RCOR1: variants seen among roughly 807,000 people sequenced by gnomAD.
RCOR1 encodes the protein REST corepressor 1, also known as REST corepressor.
RCOR1 carries 12 observed loss-of-function variants against 64.0 expected under a neutral mutation model. The observed-to-expected ratio is 0.19, with a 90% CI of 0.12 to 0.30. The LOEUF is 0.30. Ranked by LOEUF, RCOR1 falls within the 10% of genes least tolerant of loss-of-function variation. The pLI is 1.00. For missense variants in RCOR1, 502 were observed against 621.2 expected (o/e 0.81, Z 2.04); for synonymous variants, 279 against 227.2 (o/e 1.23, Z -2.05).
chr14:102,613,277 T>A (rs1229316791), intron 2 of RCOR1, among the ~76,000 whole-genome samples: 1 of 149,542 alleles, frequency 6.7e-6, no homozygotes, highest in Non-Finnish European at 1.5e-5. Context: ...AAGTTTTGTA[T>A]TTTTGGTAGA....
chr14:102,594,300 G>A (rs58507724), intron 2 of RCOR1, among the ~76,000 whole-genome samples: 1,898 of 152,310 alleles, frequency 0.012, 41 homozygotes, highest in African/African-American at 0.043. Context: ...ATCCTCCATG[G>A]TTGGAGGGCT....
chr14:102,592,756 G>A lies in RCOR1; in HGVS notation c.-131G>A. 1 of 1,215,114 alleles carries A rather than the reference G, an allele frequency of 8.2e-7. No homozygotes were observed. Among genetic ancestry groups the A allele is most frequent in the South Asian group, 4.1e-5 (1 of 24,188 alleles). The allele number at this position is 1,215,114 out of a possible 1,614,324, so 75.3% of individuals were successfully genotyped here. A position where few individuals can be genotyped will look rare whatever the true frequency, so the allele number is the denominator to read the frequency against. On this transcript the variant is annotated 5_prime_UTR_variant, in exon 1 of 12. Transcript: ENST00000262241. ...GCCCGTTTGGGCCTCCCCCGACTCG[G>A]ACTCGCGCCCGTGGGCTCCCGCCGC...
chr14:102,707,592 C>T, intron 5 of RCOR1, 80 bp downstream of exon 5: 1 of 1,119,504 alleles, frequency 8.9e-7, no homozygotes, highest in Admixed American at 2.4e-5. Context: ...ATAGGGATAT[C>T]ATACTCAAAC....
At chr14:102,704,849 G>T (rs1895818663) in intron 4 of RCOR1, among the ~76,000 whole-genome samples, 1 of 152,192 alleles carries the variant, frequency 6.6e-6, no homozygotes, top group South Asian at 2.1e-4. Flanking sequence ...AATCAGCCAG[G>T]CATGGTGGTG....
At chr14:102,673,411 A>G (rs889134356) in intron 2 of RCOR1, among the ~76,000 whole-genome samples, 4 of 146,360 alleles carry the variant, frequency 2.7e-5, no homozygotes, top group Non-Finnish European at 5.9e-5. Flanking sequence ...ATCTCGGCTC[A>G]CTGCAAGCTC....
intron 2 of RCOR1, chr14:102,649,748 A>G (rs775960001): frequency 6.1e-6 from 6 of 981,694 alleles, no homozygotes; most frequent in Non-Finnish European, 7.3e-6. Context: ...CTTCCTGTAG[A>G]GCCATTTAGT....
intron 2 of RCOR1, among the ~76,000 whole-genome samples, chr14:102,628,368 T>C (rs1483512345): frequency 6.6e-6 from 1 of 152,190 alleles, no homozygotes; most frequent in Non-Finnish European, 1.5e-5. Flanking sequence ...ACAGAACCTT[T>C]TCTTCACTTG....
intron 2 of RCOR1, among the ~76,000 whole-genome samples, chr14:102,647,708 T>TC (rs562492354): frequency 8.8e-4 from 134 of 152,242 alleles, no homozygotes; most frequent in African/African-American, 3.2e-3. Context: ...AGACGGAGTC[T>TC]CCATCTGTCG....
At chr14:102,658,226 C>T (rs1443556275) in intron 2 of RCOR1, among the ~76,000 whole-genome samples, 3 of 152,136 alleles carry the variant, frequency 2.0e-5, no homozygotes, top group East Asian at 1.9e-4. Context: ...CTACCCACCT[C>T]GGCTTCCCAA....
At chr14:102,607,651 A>C (rs925890234) in intron 2 of RCOR1, among the ~76,000 whole-genome samples, 1 of 152,102 alleles carries the variant, frequency 6.6e-6, no homozygotes, top group African/African-American at 2.4e-5. Context: ...TGAGAGGCTG[A>C]GGTGGGCAGA....
At chr14:102,716,213 C>G (rs58955055) in intron 8 of RCOR1, among the ~76,000 whole-genome samples, 2,464 of 152,218 alleles carry the variant, frequency 0.016, 58 homozygotes, top group African/African-American at 0.057. Flanking sequence ...CATGTCTACT[C>G]AAGTCTCATC....
chr14:102,593,862 C>G (rs1893188058), intron 2 of RCOR1, among the ~76,000 whole-genome samples: 3 of 152,158 alleles, frequency 2.0e-5, no homozygotes, highest in Non-Finnish European at 4.4e-5. Flanking sequence ...CAAAACCAGT[C>G]AATAAAAGAA....
intron 2 of RCOR1, among the ~76,000 whole-genome samples, chr14:102,615,985 G>C (rs763696948): frequency 1.2e-4 from 19 of 152,098 alleles, no homozygotes; most frequent in African/African-American, 4.6e-4. Context: ...TACACTACCC[G>C]CTTAGAGATG....
Position 102,632,654 on chromosome 14 carries a change from CTTTCCTTTCCTTTCCTTTCCTTTCCT to C in RCOR1, c.361+39338_361+39363del, listed in dbSNP as rs1213993252. Among the ~76,000 whole-genome samples the C allele has an allele frequency of 1.4e-3, 93 of 65,626 alleles. 1 individual carries two copies. The highest frequency in any genetic ancestry group is 8.1e-3 in the South Asian group (11 of 1,366). 43.1% of individuals were successfully genotyped at this position (65,626 alleles called of 152,430 possible). A position where few individuals can be genotyped will look rare whatever the true frequency, so the allele number is the denominator to read the frequency against. ...CTTTCCTTTCCTTTCCTTTCCTTTCCTTTCCTTTCCTTTCCTTTCCTTTCCTTTTCCTTTTCCTTTTCCTTTCCTTT... is the reference window on the plus strand; with the variant it reads ...CTTTCCTTTCCTTTCCTTTCCTTTCCTTTCCTTTTCCTTTTCCTTTCCTTT... On this transcript the variant is annotated intron_variant, in intron 2 of 11. Coordinates refer to ENST00000262241, the MANE Select transcript of RCOR1 (RefSeq NM_015156.4).
At chr14:102,632,288 C>T (rs1212144112) in intron 2 of RCOR1, among the ~76,000 whole-genome samples, 1 of 149,562 alleles carries the variant, frequency 6.7e-6, no homozygotes, top group Non-Finnish European at 1.5e-5. Flanking sequence ...ATGATCTCGG[C>T]TCACTGCAAG....
At position 102,726,804 on chromosome 14, in the gene RCOR1, G is replaced by A. The variant is rs1040735036; in HGVS notation, c.*298G>A. 16 of 384,410 alleles carry A rather than the reference G, an allele frequency of 4.2e-5. 1 individual carries two copies. The highest frequency in any genetic ancestry group is 6.7e-4 in the Middle Eastern group (1 of 1,488). The allele number at this position is 384,410 out of a possible 1,614,324, so 23.8% of individuals were successfully genotyped here. On this transcript the variant is annotated 3_prime_UTR_variant, in exon 12 of 12. Transcript: ENST00000262241. Reference sequence around the variant, plus strand: ...AACCGCCTCTCCCGCCGGAGCCCCCGAGCCCCACCAATGGCAGCTCTTCCC... The same window carrying A: ...AACCGCCTCTCCCGCCGGAGCCCCCAAGCCCCACCAATGGCAGCTCTTCCC...
chr14:102,676,770 G>C (rs1353509921), intron 2 of RCOR1, among the ~76,000 whole-genome samples: 2 of 94,028 alleles, frequency 2.1e-5, no homozygotes, highest in African/African-American at 4.8e-5. Flanking sequence ...GCGGCTGGCC[G>C]GGCAGAGGGG....
At chr14:102,659,228 A>G in intron 2 of RCOR1, 1 of 985,200 alleles carries the variant, frequency 1.0e-6, no homozygotes. Context: ...TTATATTTGC[A>G]TATGAACAAG....
chr14:102,701,959 G>A (rs993274052), intron 4 of RCOR1, among the ~76,000 whole-genome samples: 3 of 152,170 alleles, frequency 2.0e-5, no homozygotes, highest in Non-Finnish European at 2.9e-5. Context: ...GAGCCACTGC[G>A]CCTGGCCAAG....
Sources: gnomAD v4.1 joint callset for allele counts (sites outside exome capture counted in the v4.1 genomes callset) on GRCh38, gnomAD v4.1.1 for gene constraint, MANE v1.5 for transcripts, NCBI Gene and HGNC (gene_info 2026-07-23, HGNC 2026-07-21) for gene names.